RNF10: variants seen among roughly 807,000 people sequenced by gnomAD.
RNF10 encodes the protein E3 ubiquitin-protein ligase RNF10.
Under a neutral mutation model 91.4 loss-of-function variants are expected in RNF10, and 38 were observed. The observed-to-expected ratio is 0.42, with a 90% confidence interval of 0.32 to 0.54. RNF10 has a LOEUF of 0.54. Ranked by LOEUF, RNF10 falls within the 20% of genes least tolerant of loss-of-function variation. The pLI, the probability that RNF10 is intolerant of heterozygous loss-of-function variation, is 0.16. For synonymous variants in RNF10, 364 were observed against 366.3 expected (o/e 0.99, Z 0.07); for missense variants, 945 against 1,012.0 (o/e 0.93, Z 0.90).
At chr12:120,546,005 T>C (rs1189243722) in intron 1 of RNF10, among the ~76,000 whole-genome samples, 3 of 152,232 alleles carry the variant, frequency 2.0e-5, no homozygotes, top group Non-Finnish European at 4.4e-5. Flanking sequence ...TATGTTATAG[T>C]AATTTAAAAA....
chr12:120,573,035 C>T (rs1357853607), intron 14 of RNF10, among the ~76,000 whole-genome samples: 7 of 150,044 alleles, frequency 4.7e-5, no homozygotes, highest in Non-Finnish European at 1.0e-4. Context: ...CTAATTGTTA[C>T]TATTTTGCTG....
In RNF10 at chr12:120,576,854, G is replaced by A. The variant is rs1489339907; in HGVS notation, c.*188G>A. ...AATACAGTGTATTTTCCAGCTTCCT[G>A]TCTTTACACCAAAATAAAGTATTGA... On this transcript the variant is annotated 3_prime_UTR_variant, in exon 17 of 17. Coordinates refer to ENST00000325954, the MANE Select transcript of RNF10 (RefSeq NM_014868.5). 4.6e-6 allele frequency: 3 copies of A among 656,744 alleles called. No homozygotes were observed. Among genetic ancestry groups the A allele is most frequent in the Non-Finnish European group, 5.0e-6 (2 of 402,928 alleles). The allele number at this position is 656,744 out of a possible 1,614,324, so 40.7% of individuals were successfully genotyped here.
intron 3 of RNF10, 122 bp downstream of exon 3, chr12:120,552,820 T>G: frequency 1.2e-6 from 1 of 840,068 alleles, no homozygotes. Context: ...TTGGTCTCGT[T>G]CTTTTTCTGT....
rs1421758372 is a variant in RNF10, at chr12:120,534,677, A to G, written c.-135A>G. The G allele has an allele frequency of 1.5e-6, 2 of 1,379,008 alleles. No individual in the cohort carries two copies. Among genetic ancestry groups the G allele is most frequent in the African/African-American group, 3.1e-5 (2 of 64,880 alleles). 85.4% of individuals were successfully genotyped at this position (1,379,008 alleles called of 1,614,324 possible). A position where few individuals can be genotyped will look rare whatever the true frequency, so the allele number is the denominator to read the frequency against. On this transcript the variant is annotated 5_prime_UTR_variant, in exon 1 of 17. Transcript: ENST00000325954. ...TCCTAGTTTGAGAAGCCAAGGAAGG[A>G]AACAGGGAAAAATGTCGCCATGAAG...
At chr12:120,536,202 G>C (rs941432874) in intron 1 of RNF10, among the ~76,000 whole-genome samples, 1 of 151,910 alleles carries the variant, frequency 6.6e-6, no homozygotes, top group Non-Finnish European at 1.5e-5. Context: ...TGGGAGGATA[G>C]CTTGAGCCCA....
intron 2 of RNF10, 122 bp downstream of exon 2, chr12:120,546,723 A>G: frequency 1.2e-6 from 1 of 801,594 alleles, no homozygotes; most frequent in Non-Finnish European, 1.9e-6. Flanking sequence ...TAATCAAAGC[A>G]GTCTTGAGTA....
intron 2 of RNF10, among the ~76,000 whole-genome samples, chr12:120,549,431 A>G (rs1872730949): frequency 6.6e-6 from 1 of 152,076 alleles, no homozygotes; most frequent in African/African-American, 2.4e-5. Context: ...GTGGAATAGG[A>G]AAAGAGTTGA....
Position 120,560,733 on chromosome 12 carries a change from G to T in RNF10, c.975G>T (p.Gln325His), listed in dbSNP as rs1174236929. 3.1e-6 allele frequency: 5 copies of T among 1,613,372 alleles called. No homozygotes were observed. The African/African-American group carries it at 6.7e-5, about 22-fold the overall frequency. The change falls in exon 7 of 17, where the codon CAG (glutamine) becomes CAT (histidine). Residue 325 changes from glutamine to histidine, a missense_variant. Physicochemically the swap from Gln to His is conservative, Grantham distance 24. Transcript: ENST00000325954. ...TTGCTGGCATTCTTATAGATGAACA[G>T]CACAGCCAGTACTCCAAGTTGCTGC... ...VDHPIHLGDE[Q>H]HSQYSKLLLA...
chr12:120,563,625 TGAGGGTGCCGGAA>T lies in RNF10; in HGVS notation c.1531+6_1531+18del, dbSNP rs1875241658. 1.3e-6 allele frequency: 2 copies of T among 1,591,428 alleles called. No individual in the cohort carries two copies. The highest frequency in any genetic ancestry group is 1.7e-6 in the Non-Finnish European group (2 of 1,168,026). On this transcript the variant is annotated splice_donor_5th_base_variant and intron_variant, in intron 9 of 16. Transcript: ENST00000325954. Reference sequence around the variant, plus strand: ...CTCCTTGTTACTACTTTTACCAAGGTGAGGGTGCCGGAAGAGAGGGCTGGGTTGCCGCAGAGGT... The same window carrying T: ...CTCCTTGTTACTACTTTTACCAAGGTGAGAGGGCTGGGTTGCCGCAGAGGT...
chr12:120,545,078 T>C (rs1333821913), intron 1 of RNF10, among the ~76,000 whole-genome samples: 3 of 152,256 alleles, frequency 2.0e-5, no homozygotes, highest in African/African-American at 7.2e-5. Flanking sequence ...AGGAAAACAC[T>C]GTTAATGAGT....
chr12:120,569,650 T>A (rs577148922), intron 13 of RNF10, among the ~76,000 whole-genome samples: 1 of 151,614 alleles, frequency 6.6e-6, no homozygotes, highest in Admixed American at 6.6e-5. Flanking sequence ...GCAATTCTTG[T>A]GCCTCAGCCT....
In RNF10 at chr12:120,565,463, A is replaced by C; in HGVS notation, c.1819A>C (p.Lys607Gln). ...IEKRKRQRQKKAREERRRERR... is the reference protein window; with the variant it reads ...IEKRKRQRQKQAREERRRERR... ...GAAGAGGAAACGTCAGCGCCAAAAGAAGGCTCGGGAGGAACGCCGCCGAGA... is the reference window on the plus strand; with the variant it reads ...GAAGAGGAAACGTCAGCGCCAAAAGCAGGCTCGGGAGGAACGCCGCCGAGA... Residue 607 changes from lysine to glutamine, a missense_variant, in exon 12 of 17, where the codon AAG (lysine) becomes CAG (glutamine). Transcript: ENST00000325954. The C allele has an allele frequency of 3.1e-6, 5 of 1,614,096 alleles. No individual in the cohort carries two copies. Among genetic ancestry groups the C allele is most frequent in the Non-Finnish European group, 4.2e-6 (5 of 1,180,006 alleles).
intron 1 of RNF10, chr12:120,535,611 C>T (rs1181656331): frequency 6.6e-6 from 1 of 152,144 alleles, no homozygotes; most frequent in Admixed American, 6.5e-5. Flanking sequence ...ACTTAAAAAA[C>T]TAATTAAAAA....
At chr12:120,575,076 TA>T (rs56774004) in intron 14 of RNF10, 87,625 of 151,758 alleles carry the variant, frequency 0.58, 28,395 homozygotes, top group East Asian at 0.77. Flanking sequence ...CCGTCTCTAC[TA>T]AAAAAAAAAA....
chr12:120,575,621 ACTTTG>A lies in RNF10; in HGVS notation c.2143-9_2143-5del. The A allele has an allele frequency of 6.2e-7, 1 of 1,614,142 alleles. No homozygotes were observed. The highest frequency in any genetic ancestry group is 8.5e-7 in the Non-Finnish European group (1 of 1,180,016). On this transcript the variant is annotated splice_polypyrimidine_tract_variant and splice_region_variant and intron_variant, in intron 14 of 16. Coordinates refer to ENST00000325954, the MANE Select transcript of RNF10 (RefSeq NM_014868.5). Reference sequence around the variant, plus strand: ...AAATTCTCTCCCCCACTTCTTTCCCACTTTGGCAGATGCTGAGGGTTGGAAAAGCA... The same window carrying A: ...AAATTCTCTCCCCCACTTCTTTCCCAGCAGATGCTGAGGGTTGGAAAAGCA...
intron 1 of RNF10, 65 bp downstream of exon 1, chr12:120,535,033 C>T (rs1870538739): frequency 6.8e-7 from 1 of 1,481,376 alleles, no homozygotes. Context: ...AGTCGTTGCT[C>T]TCATCGGCTG....
intron 2 of RNF10, among the ~76,000 whole-genome samples, chr12:120,550,199 G>T (rs1332350578): frequency 6.6e-6 from 1 of 152,160 alleles, no homozygotes; most frequent in Non-Finnish European, 1.5e-5. Flanking sequence ...GCTACATGTA[G>T]CTACTGGCTG....
In RNF10 at chr12:120,563,600, C is replaced by G. The variant is rs138031591; in HGVS notation, c.1508C>G (p.Ser503Cys). 3 of 1,604,266 alleles carry G rather than the reference C, an allele frequency of 1.9e-6. No homozygotes were observed. Among genetic ancestry groups the G allele is most frequent in the African/African-American group, 2.7e-5 (2 of 74,654 alleles). Residue 503 changes from serine (S) to cysteine (C), a missense_variant, in exon 9 of 17, where the codon TCT becomes TGT. Transcript: ENST00000325954. Reference protein sequence around the residue: ...TKSGFTRLSSSPCYYFYQAED... With the variant: ...TKSGFTRLSSCPCYYFYQAED... ...TCAGGCTTCACACGCCTCAGCAGCTCTCCTTGTTACTACTTTTACCAAGGT... is the reference window on the plus strand; with the variant it reads ...TCAGGCTTCACACGCCTCAGCAGCTGTCCTTGTTACTACTTTTACCAAGGT...
intron 6 of RNF10, among the ~76,000 whole-genome samples, chr12:120,559,735 G>A (rs1301440497): frequency 6.7e-6 from 1 of 149,734 alleles, no homozygotes; most frequent in Non-Finnish European, 1.5e-5. Flanking sequence ...TGCACTTGTT[G>A]CCCAGGCTGG....
Sources: allele counts gnomAD v4.1 joint callset (sites outside exome capture counted in the v4.1 genomes callset), GRCh38; gene constraint gnomAD v4.1.1; transcripts MANE v1.5; gene names NCBI Gene and HGNC (gene_info 2026-07-23, HGNC 2026-07-21).